The following CNTNAP2 variants were observed in gnomAD, a reference collection of about 807,000 sequenced individuals.
CNTNAP2 encodes contactin associated protein 2.
CNTNAP2 carries 98 observed loss-of-function variants against 155.2 expected under a neutral mutation model. That is an observed-to-expected ratio of 0.63 (90% CI 0.54 to 0.75). The LOEUF is 0.75. Ranked by LOEUF, CNTNAP2 falls within the 30% of genes least tolerant of loss-of-function variation. The probability of loss-of-function intolerance (pLI) is 0.00; values close to 1 mark genes in which losing one functional copy is unlikely to be tolerated. For missense variants in CNTNAP2, 1,727 were observed against 1,688.1 expected (o/e 1.02, Z -0.40); for synonymous variants, 651 against 631.2 (o/e 1.03, Z -0.47).
intron 1 of CNTNAP2, among the ~76,000 whole-genome samples, chr7:146,156,180 G>A (rs1375693800): frequency 6.6e-6 from 1 of 152,114 alleles, no homozygotes; most frequent in Non-Finnish European, 1.5e-5. Flanking sequence ...AATGTGCAGA[G>A]GGTTTCAGTC....
chr7:146,617,253 A>T (rs1466108483), intron 1 of CNTNAP2, among the ~76,000 whole-genome samples: 1 of 152,222 alleles, frequency 6.6e-6, no homozygotes, highest in Non-Finnish European at 1.5e-5. Flanking sequence ...TTTGTCTATA[A>T]CATGAGCTTG....
At chr7:146,130,303 A>G (rs929457046) in intron 1 of CNTNAP2, among the ~76,000 whole-genome samples, 1 of 152,278 alleles carries the variant, frequency 6.6e-6, no homozygotes, top group East Asian at 1.9e-4. Context: ...CTCTACAAAG[A>G]AATATTTAAA....
At chr7:146,546,803 C>G (rs189744885) in intron 1 of CNTNAP2, among the ~76,000 whole-genome samples, 84 of 151,908 alleles carry the variant, frequency 5.5e-4, no homozygotes, top group East Asian at 5.3e-3. Context: ...ACCATCAGAC[C>G]TCGTAAGAAC....
At chr7:146,372,952 C>T (rs557356579) in intron 1 of CNTNAP2, among the ~76,000 whole-genome samples, 2 of 152,066 alleles carry the variant, frequency 1.3e-5, no homozygotes, top group Non-Finnish European at 2.9e-5. Flanking sequence ...GTCTATGAGA[C>T]AGATCACATA....
At chr7:147,747,148 C>T (rs1437221088) in intron 13 of CNTNAP2, among the ~76,000 whole-genome samples, 1 of 152,184 alleles carries the variant, frequency 6.6e-6, no homozygotes, top group Non-Finnish European at 1.5e-5. Flanking sequence ...TTATCTATGT[C>T]AGAAATACAA....
chr7:147,208,538 C>A (rs932748300), intron 8 of CNTNAP2, among the ~76,000 whole-genome samples: 21 of 151,926 alleles, frequency 1.4e-4, no homozygotes, highest in African/African-American at 1.2e-4. Context: ...TATTTACTGT[C>A]CCCTATGACT....
intron 9 of CNTNAP2, among the ~76,000 whole-genome samples, chr7:147,391,760 G>A (rs1796721900): frequency 1.3e-5 from 2 of 151,808 alleles, no homozygotes; most frequent in Admixed American, 1.3e-4. Context: ...TAATTTTCTT[G>A]GGTCTTTATG....
intron 13 of CNTNAP2, among the ~76,000 whole-genome samples, chr7:147,875,738 AAAAAT>A (rs1326644098): frequency 7.2e-5 from 11 of 152,310 alleles, no homozygotes; most frequent in Middle Eastern, 6.8e-3. Context: ...CAAAAATAAT[AAAAAT>A]AAAATAAATA....
At chr7:147,566,751 T>A (rs575673625) in intron 12 of CNTNAP2, among the ~76,000 whole-genome samples, 2 of 152,314 alleles carry the variant, frequency 1.3e-5, no homozygotes, top group East Asian at 3.9e-4. Context: ...GGGATTACAA[T>A]TCAAGATGAG....
intron 8 of CNTNAP2, among the ~76,000 whole-genome samples, chr7:147,170,572 C>G (rs1213992276): frequency 1.3e-5 from 1 of 79,604 alleles, no homozygotes; most frequent in East Asian, 4.3e-4. Flanking sequence ...GTGCATCTCA[C>G]CCTTCTGAGT....
intron 3 of CNTNAP2, among the ~76,000 whole-genome samples, chr7:146,994,242 C>T (rs1243207778): frequency 6.6e-6 from 1 of 152,000 alleles, no homozygotes; most frequent in African/African-American, 2.4e-5. Context: ...GCATTTATTG[C>T]AGGCACAGAG....
At chr7:146,133,187 GT>G (rs1797743561) in intron 1 of CNTNAP2, among the ~76,000 whole-genome samples, 1 of 152,052 alleles carries the variant, frequency 6.6e-6, no homozygotes. Context: ...TTTTTCATGT[GT>G]TTTTTGTTTG....
chr7:147,614,821 C>T (rs1000283894), intron 12 of CNTNAP2, among the ~76,000 whole-genome samples: 132 of 151,622 alleles, frequency 8.7e-4, no homozygotes, highest in African/African-American at 3.1e-3. Flanking sequence ...TCCTATATAG[C>T]TCATTTTATT....
At chr7:146,632,534 A>G (rs1181633484) in intron 1 of CNTNAP2, among the ~76,000 whole-genome samples, 1 of 152,122 alleles carries the variant, frequency 6.6e-6, no homozygotes, top group East Asian at 1.9e-4. Flanking sequence ...GAGATCTAAT[A>G]CACTATGAAT....
chr7:146,481,788 A>G (rs1796963422), intron 1 of CNTNAP2, among the ~76,000 whole-genome samples: 1 of 152,180 alleles, frequency 6.6e-6, no homozygotes, highest in Non-Finnish European at 1.5e-5. Context: ...AGTGGGCTAC[A>G]TCATAAGGAA....
intron 13 of CNTNAP2, among the ~76,000 whole-genome samples, chr7:147,899,951 C>T (rs1338340417): frequency 6.6e-6 from 1 of 152,064 alleles, no homozygotes; most frequent in African/African-American, 2.4e-5. Context: ...TCTTCCTGCT[C>T]TCTGCTTCCA....
At chr7:146,766,273 T>C (rs145757901) in intron 1 of CNTNAP2, among the ~76,000 whole-genome samples, 191 of 152,306 alleles carry the variant, frequency 1.3e-3, no homozygotes, top group African/African-American at 4.3e-3. Context: ...TGATTATATA[T>C]GGGTTTCTCT....
At chr7:146,551,918 GTA>G (rs951832951) in intron 1 of CNTNAP2, among the ~76,000 whole-genome samples, 37 of 152,040 alleles carry the variant, frequency 2.4e-4, no homozygotes, top group Middle Eastern at 3.4e-3. Context: ...CTCATATGAT[GTA>G]ATCATTTTAA....
At chr7:147,934,105 C>T (rs190779628) in intron 14 of CNTNAP2, among the ~76,000 whole-genome samples, 3 of 152,254 alleles carry the variant, frequency 2.0e-5, no homozygotes, top group Admixed American at 2.0e-4. Flanking sequence ...AAGTTTTAGT[C>T]ATGCAAGATG....
Sources: gnomAD v4.1 joint callset for allele counts (sites outside exome capture counted in the v4.1 genomes callset) on GRCh38, gnomAD v4.1.1 for gene constraint, MANE v1.5 for transcripts, NCBI Gene and HGNC (gene_info 2026-07-23, HGNC 2026-07-21) for gene names.